The following SDC2 variants were observed in gnomAD, a reference collection of about 807,000 sequenced individuals.
SDC2 encodes the protein syndecan 2.
In SDC2, 13 loss-of-function variants were observed where a neutral mutation model predicts 22.2. The ratio of observed to expected loss-of-function variants is 0.59; its 90% CI spans 0.38 to 0.93. SDC2 has a LOEUF of 0.93. Ranked by LOEUF, SDC2 falls within the 40% of genes least tolerant of loss-of-function variation. The pLI is 0.00. For synonymous variants in SDC2, 94 were observed against 92.8 expected, an observed-to-expected ratio of 1.01 and a Z score of -0.07; for missense variants, 235 against 246.8, an observed-to-expected ratio of 0.95 and a Z score of 0.32.
intron 1 of SDC2, among the ~76,000 whole-genome samples, chr8:96,591,733 CA>C (rs544026378): frequency 1.7e-3 from 257 of 152,062 alleles, no homozygotes; most frequent in African/African-American, 6.0e-3. Flanking sequence ...GGAGGTCCTC[CA>C]GGGGAAGTAA....
intron 1 of SDC2, among the ~76,000 whole-genome samples, chr8:96,529,601 G>C (rs559108515): frequency 3.3e-5 from 5 of 152,288 alleles, no homozygotes; most frequent in African/African-American, 1.2e-4. Flanking sequence ...TTCTTGCTCA[G>C]TGCTTACTTT....
At chr8:96,536,889 C>T (rs149667510) in intron 1 of SDC2, among the ~76,000 whole-genome samples, 19 of 152,308 alleles carry the variant, frequency 1.2e-4, no homozygotes, top group African/African-American at 4.3e-4. Context: ...GGATAACTGG[C>T]AGGTAACTCT....
chr8:96,501,548 TC>T (rs1224300628), intron 1 of SDC2, among the ~76,000 whole-genome samples: 1 of 152,034 alleles, frequency 6.6e-6, no homozygotes, highest in Non-Finnish European at 1.5e-5. Flanking sequence ...CCTCAACTGA[TC>T]CGCCTGCCTC....
chr8:96,601,210 A>C (rs917408123), intron 2 of SDC2, among the ~76,000 whole-genome samples: 3 of 152,144 alleles, frequency 2.0e-5, no homozygotes, highest in African/African-American at 7.2e-5. Context: ...GGTGCTGTGG[A>C]TACTGGTGAC....
intron 1 of SDC2, among the ~76,000 whole-genome samples, chr8:96,583,144 A>C (rs1814618440): frequency 6.9e-6 from 1 of 144,534 alleles, no homozygotes; most frequent in Non-Finnish European, 1.5e-5. Flanking sequence ...TAGAGATGAG[A>C]TCTTACTATG....
At chr8:96,558,274 C>G (rs886769180) in intron 1 of SDC2, among the ~76,000 whole-genome samples, 1 of 151,534 alleles carries the variant, frequency 6.6e-6, no homozygotes, top group South Asian at 2.1e-4. Flanking sequence ...GGCTCAGGGT[C>G]GGGGGTTCTG....
intron 1 of SDC2, among the ~76,000 whole-genome samples, chr8:96,551,742 C>T (rs1415458452): frequency 6.6e-6 from 1 of 152,204 alleles, no homozygotes; most frequent in Admixed American, 6.5e-5. Context: ...AGATCTTACT[C>T]AGTAAGTTTG....
intron 1 of SDC2, among the ~76,000 whole-genome samples, chr8:96,585,733 T>C (rs1319222556): frequency 6.6e-6 from 1 of 152,152 alleles, no homozygotes; most frequent in African/African-American, 2.4e-5. Flanking sequence ...GGAAGAAAAA[T>C]TGTTTTACAC....
Position 96,598,134 on chromosome 8 carries a change from A to G in SDC2, c.173-4261A>G, listed in dbSNP as rs115130055. Among the ~76,000 whole-genome samples, 958 of 152,192 alleles carry G rather than the reference A, an allele frequency of 6.3e-3. 13 individuals carry two copies. The highest frequency in any genetic ancestry group is 0.022 in the African/African-American group (917 of 41,512). On this transcript the variant is annotated intron_variant, in intron 2 of 4. Coordinates refer to ENST00000302190, the MANE Select transcript of SDC2 (RefSeq NM_002998.4). ...CCTTCCTGCTGCATCCTCACATGGC[A>G]AAGGGGACAAACAGTGTCCCTCAAG...
At chr8:96,601,993 C>T (rs1339838468) in intron 2 of SDC2, among the ~76,000 whole-genome samples, 3 of 152,062 alleles carry the variant, frequency 2.0e-5, no homozygotes, top group South Asian at 2.1e-4. Flanking sequence ...CTCCTGACCT[C>T]GTGATCCGCT....
rs563154163 is a variant in SDC2 at position 96,518,620 on chromosome 8, G to A, written c.60+24289G>A. Among the ~76,000 whole-genome samples, 224 of 152,288 alleles carry A rather than the reference G, an allele frequency of 1.5e-3. 1 individual carries two copies. The highest frequency in any genetic ancestry group is 5.3e-3 in the African/African-American group (220 of 41,552). ...GATCCGCCCGCCTCGGCCTCCCAAA[G>A]TGGTGGGATTACAGGCGTGAGCCAC... On this transcript the variant is annotated intron_variant, in intron 1 of 4. Coordinates refer to ENST00000302190, the MANE Select transcript of SDC2 (RefSeq NM_002998.4).
intron 1 of SDC2, among the ~76,000 whole-genome samples, chr8:96,561,480 G>T (rs376263933): frequency 6.6e-5 from 10 of 152,154 alleles, no homozygotes; most frequent in African/African-American, 2.4e-4. Flanking sequence ...ATTCCCAAAG[G>T]CCCTAGGGGA....
intron 1 of SDC2, among the ~76,000 whole-genome samples, chr8:96,534,921 C>T (rs915172424): frequency 6.6e-6 from 1 of 152,174 alleles, no homozygotes; most frequent in Admixed American, 6.5e-5. Context: ...GATGGGTTAA[C>T]CTTTTTTTCT....
At chr8:96,512,600 T>C (rs946497161) in intron 1 of SDC2, among the ~76,000 whole-genome samples, 3 of 151,944 alleles carry the variant, frequency 2.0e-5, no homozygotes, top group African/African-American at 7.3e-5. Context: ...GAAAGGAAAG[T>C]GGAGAACATG....
chr8:96,503,486 G>A (rs1201263917), intron 1 of SDC2, among the ~76,000 whole-genome samples: 3 of 152,022 alleles, frequency 2.0e-5, no homozygotes, highest in Non-Finnish European at 4.4e-5. Flanking sequence ...TAAAGATAAT[G>A]TATATATACA....
chr8:96,553,229 T>C (rs773570234), intron 1 of SDC2, among the ~76,000 whole-genome samples: 37 of 152,176 alleles, frequency 2.4e-4, no homozygotes, highest in Non-Finnish European at 4.1e-4. Flanking sequence ...TCTGTTGATA[T>C]TAATTTTAGA....
At chr8:96,553,866 G>C (rs533996344) in intron 1 of SDC2, among the ~76,000 whole-genome samples, 2 of 151,850 alleles carry the variant, frequency 1.3e-5, no homozygotes, top group East Asian at 3.9e-4. Flanking sequence ...TTTACCTCCT[G>C]GGCTCAGGTG....
At chr8:96,576,520 T>C (rs2651468) in intron 1 of SDC2, among the ~76,000 whole-genome samples, 1,754 of 91,444 alleles carry the variant, frequency 0.019, 53 homozygotes, top group African/African-American at 0.038. Flanking sequence ...CCCGGATTCA[T>C]GCCATTCTCC....
In SDC2 at chr8:96,606,368, A is replaced by G. The variant is rs117348924; in HGVS notation, c.307-1967A>G. ...CTACCCAGCCACCTTTAGCCTTTAAACCTCAATGAAGTTGACAGTGTTTTC... is the reference window on the plus strand; with the variant it reads ...CTACCCAGCCACCTTTAGCCTTTAAGCCTCAATGAAGTTGACAGTGTTTTC... On this transcript the variant is annotated intron_variant, in intron 3 of 4. Coordinates refer to ENST00000302190, the MANE Select transcript of SDC2 (RefSeq NM_002998.4). Among the ~76,000 whole-genome samples, 198 of 152,214 alleles carry G rather than the reference A, an allele frequency of 1.3e-3. 5 individuals are homozygous for G. The East Asian group carries it at 0.029, about 22-fold the overall frequency.
Sources: allele counts gnomAD v4.1 joint callset (sites outside exome capture counted in the v4.1 genomes callset), GRCh38; gene constraint gnomAD v4.1.1; transcripts MANE v1.5; gene names NCBI Gene and HGNC (gene_info 2026-07-23, HGNC 2026-07-21).